TCEA1: variants seen among roughly 807,000 people sequenced by gnomAD.
TCEA1 encodes the protein transcription elongation factor A1, also known as transcription elongation factor A protein 1.
A neutral mutation model predicts 43.8 loss-of-function variants in TCEA1; 21 were observed. The observed-to-expected ratio is 0.48, with a 90% CI of 0.34 to 0.69. TCEA1 has a LOEUF of 0.69. Among genes scored for constraint, TCEA1 ranks in the 30% least tolerant of loss-of-function variants. The pLI is 0.01. For missense variants in TCEA1, 250 were observed against 365.1 expected (o/e 0.68, Z 2.57); for synonymous variants, 104 against 117.5 (o/e 0.88, Z 0.75).
At chr8:53,988,351 G>A in intron 4 of TCEA1, 92 bp from the exon 5 acceptor site, 2 of 1,461,758 alleles carry the variant, frequency 1.4e-6, no homozygotes, top group South Asian at 1.4e-5. Flanking sequence ...AAAATTTGGG[G>A]TCTAAATAAA....
intron 2 of TCEA1, among the ~76,000 whole-genome samples, chr8:54,009,493 A>G (rs947103631): frequency 2.0e-5 from 3 of 152,240 alleles, no homozygotes; most frequent in Non-Finnish European, 4.4e-5. Flanking sequence ...ATCAGTTATA[A>G]AAAAGAATGA....
At chr8:54,016,176 C>A (rs1366237446) in intron 1 of TCEA1, among the ~76,000 whole-genome samples, 1 of 152,192 alleles carries the variant, frequency 6.6e-6, no homozygotes, top group Non-Finnish European at 1.5e-5. Context: ...ATACACCCAA[C>A]AGAAATGAAA....
At chr8:54,012,735 C>T (rs1804690480) in intron 1 of TCEA1, among the ~76,000 whole-genome samples, 1 of 151,942 alleles carries the variant, frequency 6.6e-6, no homozygotes, top group Admixed American at 6.6e-5. Context: ...TTAACAAACT[C>T]TAGAAGTCTG....
At chr8:53,984,122 CG>C (rs1803609736) in intron 7 of TCEA1, among the ~76,000 whole-genome samples, 2 of 152,250 alleles carry the variant, frequency 1.3e-5, no homozygotes, top group Admixed American at 1.3e-4. Flanking sequence ...AAGTAAAACA[CG>C]TTTGTTTTTA....
intron 3 of TCEA1, among the ~76,000 whole-genome samples, chr8:53,996,689 C>A (rs1804061405): frequency 7.1e-6 from 1 of 141,828 alleles, no homozygotes; most frequent in African/African-American, 3.1e-5. Context: ...ATTCTGAAAC[C>A]AATAAAAATA....
intron 4 of TCEA1, chr8:53,993,246 G>A (rs530075490): frequency 6.8e-6 from 1 of 146,006 alleles, no homozygotes; most frequent in Admixed American, 7.3e-5. Flanking sequence ...GTGAGCCACT[G>A]TGCCTAGCCA....
intron 4 of TCEA1, among the ~76,000 whole-genome samples, chr8:53,989,813 G>C (rs1803815279): frequency 6.6e-6 from 1 of 152,058 alleles, no homozygotes; most frequent in African/African-American, 2.4e-5. Flanking sequence ...GGTGAAGAGA[G>C]CAAGAGTTGT....
Position 53,995,703 on chromosome 8 carries a change from G to C in TCEA1, c.233-1948C>G, listed in dbSNP as rs960501362. On this transcript the variant is annotated intron_variant, in intron 3 of 9. Coordinates refer to ENST00000521604, the MANE Select transcript of TCEA1 (RefSeq NM_006756.4). The stretch of plus-strand genomic sequence containing the variant: ...TATCCTCATGCCAAGCTCCGAACCA[G>C]ATCCATTCAATCCAAATCTCTGGCA... Among the ~76,000 whole-genome samples, 10 of 152,304 alleles carry C rather than the reference G, an allele frequency of 6.6e-5. No homozygotes were observed. In the South Asian group the frequency reaches 8.3e-4, roughly 13 times the overall value.
At chr8:53,996,604 C>G (rs1184784187) in intron 3 of TCEA1, among the ~76,000 whole-genome samples, 1 of 152,036 alleles carries the variant, frequency 6.6e-6, no homozygotes, top group Non-Finnish European at 1.5e-5. Flanking sequence ...TTACAACCAC[C>G]ATAAAGTTAA....
At chr8:53,974,540 G>C (rs1803268187) in intron 8 of TCEA1, among the ~76,000 whole-genome samples, 1 of 140,822 alleles carries the variant, frequency 7.1e-6, no homozygotes, top group South Asian at 2.6e-4. Context: ...GGTGGGGGTG[G>C]GGGGGGGACG....
At chr8:53,995,050 C>G (rs1804008156) in intron 3 of TCEA1, among the ~76,000 whole-genome samples, 1 of 152,036 alleles carries the variant, frequency 6.6e-6, no homozygotes, top group African/African-American at 2.4e-5. Flanking sequence ...CCTGTAAACC[C>G]AACACTTTGG....
chr8:54,015,318 C>T (rs756347828), intron 1 of TCEA1, among the ~76,000 whole-genome samples: 1 of 151,922 alleles, frequency 6.6e-6, no homozygotes, highest in Non-Finnish European at 1.5e-5. Flanking sequence ...TACAGGCGCC[C>T]ACCACCACGC....
chr8:54,019,127 A>G (rs907246174), intron 1 of TCEA1, among the ~76,000 whole-genome samples: 2 of 152,234 alleles, frequency 1.3e-5, no homozygotes, highest in Non-Finnish European at 2.9e-5. Context: ...AATAAATGGT[A>G]AGCTGTTTTT....
chr8:54,018,693 T>C (rs1804922071), intron 1 of TCEA1, among the ~76,000 whole-genome samples: 1 of 152,222 alleles, frequency 6.6e-6, no homozygotes, highest in Non-Finnish European at 1.5e-5. Flanking sequence ...TGGTTCACTG[T>C]GGCTTGGTCA....
At chr8:53,979,236 A>G (rs1465085866) in intron 7 of TCEA1, 65 bp from the exon 8 acceptor site, 1 of 1,435,014 alleles carries the variant, frequency 7.0e-7, no homozygotes, top group Non-Finnish European at 9.3e-7. Flanking sequence ...GAATGCTTTT[A>G]TGCTCAATTA....
chr8:54,008,326 C>CAACA (rs1804542556), intron 2 of TCEA1, among the ~76,000 whole-genome samples: 1 of 150,852 alleles, frequency 6.6e-6, no homozygotes, highest in African/African-American at 2.4e-5. Context: ...AATTCAACAA[C>CAACA]AACAACAACA....
intron 9 of TCEA1, among the ~76,000 whole-genome samples, chr8:53,968,841 T>C (rs76770445): frequency 6.6e-6 from 1 of 152,140 alleles, no homozygotes; most frequent in East Asian, 1.9e-4. Flanking sequence ...ACAGGCCAAA[T>C]TTTCTCAACA....
At chr8:53,981,554 T>A (rs1422338009) in intron 7 of TCEA1, among the ~76,000 whole-genome samples, 1 of 152,208 alleles carries the variant, frequency 6.6e-6, no homozygotes, top group Non-Finnish European at 1.5e-5. Context: ...TACTGAATAT[T>A]TTAACCCCAC....
chr8:53,972,135 G>T (rs971502658), intron 8 of TCEA1: 2 of 294,674 alleles, frequency 6.8e-6, no homozygotes, highest in South Asian at 3.4e-5. Context: ...AACGGCAAGT[G>T]GCAGTGATGG....
Sources: allele counts gnomAD v4.1 joint callset (sites outside exome capture counted in the v4.1 genomes callset), GRCh38; gene constraint gnomAD v4.1.1; transcripts MANE v1.5; gene names NCBI Gene and HGNC (gene_info 2026-07-23, HGNC 2026-07-21).